NPAS2: variants seen among roughly 807,000 people sequenced by gnomAD.
NPAS2 encodes the protein neuronal PAS domain-containing protein 2.
In NPAS2, 23 loss-of-function variants were observed where a neutral mutation model predicts 107.5. The observed-to-expected ratio is 0.21, with a 90% CI of 0.15 to 0.30. The LOEUF (loss-of-function observed/expected upper bound fraction) is 0.30. NPAS2 is among the 10% of genes least tolerant of loss of function. The pLI is 1.00. For missense variants in NPAS2, 756 were observed against 1,043.3 expected (o/e 0.72, Z 3.79); for synonymous variants, 403 against 417.5 (o/e 0.97, Z 0.42).
At chr2:100,979,497 TATA>T (rs1333367910) in intron 15 of NPAS2, among the ~76,000 whole-genome samples, 21 of 57,560 alleles carry the variant, frequency 3.6e-4, no homozygotes, top group African/African-American at 1.9e-3. Context: ...TATATATATA[TATA>T]TATTTTTTTT....
Position 100,990,335 on chromosome 2 carries a change from G to C in NPAS2, c.1907G>C (p.Ser636Thr). 1.2e-6 allele frequency: 2 copies of C among 1,614,152 alleles called. No individual in the cohort carries two copies. The highest frequency in any genetic ancestry group is 1.1e-5 in the South Asian group (1 of 91,082). Residue 636 changes from serine to threonine, a missense_variant, in exon 18 of 21, where the codon AGC (serine) becomes ACC (threonine). Coordinates refer to ENST00000335681, the MANE Select transcript of NPAS2 (RefSeq NM_002518.4). Reference protein sequence around the residue: ...SGSSLVSPFSSATAALPPSLN... With the variant: ...SGSSLVSPFSTATAALPPSLN... Reference sequence around the variant, plus strand: ...AGCAGCCTAGTGTCCCCGTTCAGCAGCGCCACAGCTGCGCTCCCGCCAAGT... The same window carrying C: ...AGCAGCCTAGTGTCCCCGTTCAGCACCGCCACAGCTGCGCTCCCGCCAAGT...
At chr2:100,983,048 T>C (rs1229799539) in intron 16 of NPAS2, 2 of 152,352 alleles carry the variant, frequency 1.3e-5, no homozygotes, top group African/African-American at 4.8e-5. Context: ...TATATAATGT[T>C]TTACTTACAT....
chr2:100,838,707 T>C (rs895700654), intron 1 of NPAS2, among the ~76,000 whole-genome samples: 4 of 152,120 alleles, frequency 2.6e-5, no homozygotes, highest in African/African-American at 7.2e-5. Context: ...CTCTGAGAAA[T>C]TGAGATAACA....
intron 2 of NPAS2, among the ~76,000 whole-genome samples, chr2:100,916,635 A>C (rs1391403606): frequency 2.6e-5 from 4 of 152,212 alleles, no homozygotes; most frequent in Non-Finnish European, 5.9e-5. Context: ...TGAGTCTTTA[A>C]CATGCTCCTC....
At chr2:100,823,412 A>G (rs750317179) in intron 1 of NPAS2, 6 of 152,080 alleles carry the variant, frequency 3.9e-5, no homozygotes, top group Non-Finnish European at 8.8e-5. Flanking sequence ...TCTTAAAACA[A>G]TGGGTGGTTC....
intron 2 of NPAS2, among the ~76,000 whole-genome samples, chr2:100,920,361 A>G (rs1683141974): frequency 6.6e-6 from 1 of 152,198 alleles, no homozygotes; most frequent in African/African-American, 2.4e-5. Flanking sequence ...TAATTTAATC[A>G]TTCCATGTTG....
At chr2:100,935,872 C>G (rs576118018) in intron 4 of NPAS2, among the ~76,000 whole-genome samples, 2 of 152,278 alleles carry the variant, frequency 1.3e-5, no homozygotes, top group Non-Finnish European at 2.9e-5. Flanking sequence ...AAATCTAACC[C>G]AGCATTTCTC....
intron 3 of NPAS2, among the ~76,000 whole-genome samples, chr2:100,927,000 G>A (rs762830344): frequency 1.2e-4 from 17 of 145,828 alleles, no homozygotes; most frequent in South Asian, 4.3e-4. Flanking sequence ...GTGCAGCGGC[G>A]TGATCTAGGC....
chr2:100,864,383 G>A (rs1438815104), intron 1 of NPAS2, among the ~76,000 whole-genome samples: 4 of 152,184 alleles, frequency 2.6e-5, no homozygotes, highest in Non-Finnish European at 4.4e-5. Context: ...TTCCAAAACT[G>A]TGTGATATAA....
chr2:100,939,003 G>T (rs1175573819), intron 5 of NPAS2, among the ~76,000 whole-genome samples: 2 of 152,120 alleles, frequency 1.3e-5, no homozygotes, highest in Non-Finnish European at 2.9e-5. Context: ...GATGCTGGAG[G>T]ACCGCGGTTC....
chr2:100,923,585 C>G (rs191819270), intron 2 of NPAS2, among the ~76,000 whole-genome samples: 1 of 152,256 alleles, frequency 6.6e-6, no homozygotes, highest in East Asian at 1.9e-4. Flanking sequence ...CTGTCCTGAC[C>G]ACACATTGGC....
chr2:100,889,151 C>G (rs1194251213), intron 1 of NPAS2, among the ~76,000 whole-genome samples: 1 of 152,186 alleles, frequency 6.6e-6, no homozygotes, highest in Non-Finnish European at 1.5e-5. Context: ...AAAAGTCAGT[C>G]ATTTCTACCT....
rs146739034 is a variant in NPAS2 at position 100,891,686 on chromosome 2, A to T, written c.-22-13047A>T. Among the ~76,000 whole-genome samples the T allele has an allele frequency of 5.8e-4, 89 of 152,336 alleles. 1 individual carries two copies. Among genetic ancestry groups the T allele is most frequent in the Middle Eastern group, 3.4e-3 (1 of 294 alleles). ...TCTGCTGCCTCAATTAGCAATTCAC[A>T]TCAAACCTCCTACGTTTTGATTAAA... On this transcript the variant is annotated intron_variant, in intron 1 of 20. Transcript: ENST00000335681.
chr2:100,959,177 G>C (rs1444679379), intron 7 of NPAS2, among the ~76,000 whole-genome samples: 1 of 151,968 alleles, frequency 6.6e-6, no homozygotes, highest in African/African-American at 2.4e-5. Context: ...GGCTGAGGTG[G>C]GAGGATCAGT....
intron 1 of NPAS2, among the ~76,000 whole-genome samples, chr2:100,890,582 A>T (rs1026006093): frequency 1.3e-5 from 2 of 151,812 alleles, no homozygotes; most frequent in Non-Finnish European, 2.9e-5. Flanking sequence ...GGGGCTCCAA[A>T]TGCCCCATTT....
intron 1 of NPAS2, among the ~76,000 whole-genome samples, chr2:100,869,227 T>C (rs1466339146): frequency 6.6e-6 from 1 of 152,166 alleles, no homozygotes; most frequent in Non-Finnish European, 1.5e-5. Context: ...TGAGCCACCA[T>C]GCTTGGTCTA....
intron 5 of NPAS2, among the ~76,000 whole-genome samples, chr2:100,947,546 C>CT (rs1356497873): frequency 7.8e-6 from 1 of 128,118 alleles, no homozygotes; most frequent in African/African-American, 2.9e-5. Flanking sequence ...GAGCAACACT[C>CT]TGTCTCAAAA....
At chr2:100,957,595 T>A (rs1675644412) in intron 7 of NPAS2, among the ~76,000 whole-genome samples, 1 of 152,212 alleles carries the variant, frequency 6.6e-6, no homozygotes, top group Non-Finnish European at 1.5e-5. Context: ...TGACCACTCT[T>A]AGTGGAAAGA....
intron 1 of NPAS2, among the ~76,000 whole-genome samples, chr2:100,897,267 C>G (rs1350879326): frequency 2.0e-5 from 3 of 152,094 alleles, no homozygotes; most frequent in Non-Finnish European, 1.5e-5. Context: ...CAAACCATAT[C>G]ATAGCTGGGC....
Sources: allele counts gnomAD v4.1 joint callset (sites outside exome capture counted in the v4.1 genomes callset), GRCh38; gene constraint gnomAD v4.1.1; transcripts MANE v1.5; gene names NCBI Gene and HGNC (gene_info 2026-07-23, HGNC 2026-07-21).